Variants in TMEM108 observed in about 807,000 individuals in gnomAD.
The protein encoded by TMEM108 is cancer/testis antigen 124.
In TMEM108, 12 loss-of-function variants were observed where a neutral mutation model predicts 35.1. The ratio of observed to expected loss-of-function variants is 0.34; its 90% CI spans 0.22 to 0.55. TMEM108 has a LOEUF of 0.55. TMEM108 is among the 20% of genes least tolerant of loss of function. The pLI is 0.89. For missense variants in TMEM108, 680 were observed against 753.3 expected (o/e 0.90, Z 1.14); for synonymous variants, 287 against 308.6 (o/e 0.93, Z 0.73).
At chr3:133,309,298 T>A (rs2071089464) in intron 3 of TMEM108, among the ~76,000 whole-genome samples, 1 of 152,162 alleles carries the variant, frequency 6.6e-6, no homozygotes. Context: ...TTTGTTAATC[T>A]TTTCAAAAAA....
intron 2 of TMEM108, among the ~76,000 whole-genome samples, chr3:133,172,109 T>C (rs1945138952): frequency 6.6e-6 from 1 of 152,228 alleles, no homozygotes; most frequent in Admixed American, 6.5e-5. Flanking sequence ...GGTTTTTGCA[T>C]TTAACGCTCA....
intron 5 of TMEM108, among the ~76,000 whole-genome samples, chr3:133,392,155 GGTT>G (rs1317101157): frequency 1.4e-5 from 2 of 144,538 alleles, no homozygotes; most frequent in Non-Finnish European, 3.0e-5. Flanking sequence ...TTTTTTTTTT[GGTT>G]GTTGTTTTGT....
intron 2 of TMEM108, among the ~76,000 whole-genome samples, chr3:133,123,042 A>G (rs1944373629): frequency 1.3e-5 from 2 of 152,194 alleles, no homozygotes; most frequent in African/African-American, 4.8e-5. Flanking sequence ...ACATACACGT[A>G]TACATAAATA....
intron 3 of TMEM108, chr3:133,247,299 C>G (rs148675970): frequency 1.3e-5 from 2 of 152,198 alleles, no homozygotes; most frequent in African/African-American, 4.8e-5. Flanking sequence ...CTGCCTTTTG[C>G]TTGTTGTTCA....
chr3:133,065,115 A>G (rs538599877), intron 2 of TMEM108, among the ~76,000 whole-genome samples: 6 of 152,352 alleles, frequency 3.9e-5, no homozygotes, highest in African/African-American at 1.4e-4. Flanking sequence ...TAGATGCTAA[A>G]GTCACAATGA....
At chr3:133,273,048 A>C (rs1946795285) in intron 3 of TMEM108, among the ~76,000 whole-genome samples, 1 of 152,148 alleles carries the variant, frequency 6.6e-6, no homozygotes, top group Non-Finnish European at 1.5e-5. Context: ...GTAGTTTGTC[A>C]TTGTGTGTAC....
At chr3:133,207,948 A>G (rs1169264675) in intron 2 of TMEM108, among the ~76,000 whole-genome samples, 2 of 152,208 alleles carry the variant, frequency 1.3e-5, no homozygotes, top group Non-Finnish European at 2.9e-5. Context: ...AAATTATAGC[A>G]TGTTACAATT....
intron 2 of TMEM108, among the ~76,000 whole-genome samples, chr3:133,194,908 G>A (rs1377293449): frequency 6.6e-6 from 1 of 152,032 alleles, no homozygotes; most frequent in Non-Finnish European, 1.5e-5. Context: ...CTGCCCCCCG[G>A]CACTAACACT....
intron 3 of TMEM108, among the ~76,000 whole-genome samples, chr3:133,250,928 G>C (rs1309760685): frequency 6.6e-6 from 1 of 151,886 alleles, no homozygotes; most frequent in Non-Finnish European, 1.5e-5. Flanking sequence ...AGAATTCTTT[G>C]GTATTGAGCC....
chr3:133,229,701 G>A (rs1313702546), intron 3 of TMEM108, among the ~76,000 whole-genome samples: 1 of 152,124 alleles, frequency 6.6e-6, no homozygotes, highest in Non-Finnish European at 1.5e-5. Context: ...ATTGCCTTTA[G>A]TTTAGTATTC....
At chr3:133,113,780 T>C (rs1944254129) in intron 2 of TMEM108, among the ~76,000 whole-genome samples, 1 of 152,170 alleles carries the variant, frequency 6.6e-6, no homozygotes, top group Non-Finnish European at 1.5e-5. Flanking sequence ...ACTGTTGAAC[T>C]GGCTCTGTAT....
At chr3:133,389,707 A>G (rs2073205788) in intron 4 of TMEM108, 1 of 149,554 alleles carries the variant, frequency 6.7e-6, no homozygotes, top group Non-Finnish European at 1.5e-5. Context: ...AAAAGAAAAA[A>G]AAAAACCATA....
intron 3 of TMEM108, among the ~76,000 whole-genome samples, chr3:133,342,184 G>GA (rs1389838693): frequency 2.0e-5 from 3 of 151,190 alleles, no homozygotes; most frequent in African/African-American, 4.8e-5. Flanking sequence ...AACTCCATAG[G>GA]AAAAAAATCT....
rs369718162 is a variant in TMEM108 at position 133,316,743 on chromosome 3, G to T, written c.41-63009G>T. ...AACAGCCTAGCTGGCAAGGTCCCCA[G>T]GGACCCAAATCAGACCCAAGGTGAG... On this transcript the variant is annotated intron_variant, in intron 3 of 5. Coordinates refer to ENST00000321871, the MANE Select transcript of TMEM108 (RefSeq NM_023943.4). Among the ~76,000 whole-genome samples, 4 of 152,362 alleles carry T rather than the reference G, an allele frequency of 2.6e-5. 1 individual carries two copies. The highest frequency in any genetic ancestry group is 9.6e-5 in the African/African-American group (4 of 41,586).
chr3:133,171,120 A>G (rs970939098), intron 2 of TMEM108, among the ~76,000 whole-genome samples: 2 of 152,124 alleles, frequency 1.3e-5, no homozygotes, highest in Admixed American at 6.5e-5. Flanking sequence ...TCACCACCAG[A>G]TAGATGGTGA....
At chr3:133,220,016 A>G (rs1288186004) in intron 2 of TMEM108, among the ~76,000 whole-genome samples, 2 of 150,678 alleles carry the variant, frequency 1.3e-5, no homozygotes, top group African/African-American at 4.9e-5. Flanking sequence ...ATGTATTTAT[A>G]ATTGTTATAT....
chr3:133,319,147 G>A (rs1213464468), intron 3 of TMEM108, among the ~76,000 whole-genome samples: 2 of 152,030 alleles, frequency 1.3e-5, no homozygotes, highest in African/African-American at 2.4e-5. Context: ...GTTGGCCCAA[G>A]AACCACCCCT....
chr3:133,291,883 C>T (rs112896882), intron 3 of TMEM108, among the ~76,000 whole-genome samples: 1,538 of 152,284 alleles, frequency 0.01, 24 homozygotes, highest in African/African-American at 0.034. Context: ...TACTGCCTTC[C>T]TCCCTTCCCA....
chr3:133,191,755 G>T (rs1297457621), intron 2 of TMEM108, among the ~76,000 whole-genome samples: 1 of 152,156 alleles, frequency 6.6e-6, no homozygotes, highest in Non-Finnish European at 1.5e-5. Context: ...GTGTACTAGT[G>T]TAGGAATCAG....
Sources: allele counts gnomAD v4.1 joint callset (sites outside exome capture counted in the v4.1 genomes callset), GRCh38; gene constraint gnomAD v4.1.1; transcripts MANE v1.5; gene names NCBI Gene and HGNC (gene_info 2026-07-23, HGNC 2026-07-21).